TAFA1: variants seen among roughly 807,000 people sequenced by gnomAD.
TAFA1 encodes the protein chemokine-like protein TAFA-1.
Under a neutral mutation model 18.5 loss-of-function variants are expected in TAFA1, and 4 were observed. The observed-to-expected ratio is 0.22, with a 90% CI of 0.11 to 0.49. The LOEUF (loss-of-function observed/expected upper bound fraction) is 0.49. Among genes scored for constraint, TAFA1 ranks in the 20% least tolerant of loss-of-function variants. The probability of loss-of-function intolerance (pLI) is 0.98; values close to 1 mark genes in which losing one functional copy is unlikely to be tolerated. For missense variants in TAFA1, 147 were observed against 169.0 expected (o/e 0.87, Z 0.72); for synonymous variants, 56 against 55.2 (o/e 1.01, Z -0.06).
chr3:68,239,754 G>A (rs746523664), intron 2 of TAFA1, among the ~76,000 whole-genome samples: 2 of 152,180 alleles, frequency 1.3e-5, no homozygotes, highest in African/African-American at 2.4e-5. Flanking sequence ...GCCACTGAGA[G>A]CAAACAGCCA....
At chr3:68,235,525 A>G (rs1326674874) in intron 2 of TAFA1, among the ~76,000 whole-genome samples, 5 of 152,218 alleles carry the variant, frequency 3.3e-5, no homozygotes, top group Non-Finnish European at 7.3e-5. Flanking sequence ...AAAATAAATA[A>G]CAGCTTCTGG....
intron 2 of TAFA1, chr3:68,250,892 G>A (rs376184693): frequency 4.9e-4 from 75 of 151,548 alleles, no homozygotes; most frequent in African/African-American, 1.5e-3. Context: ...AATCAGCAAA[G>A]GAACCCTATT....
At position 68,129,501 on chromosome 3, in the gene TAFA1, G is replaced by T. The variant is rs1035600869; in HGVS notation, c.118+122757G>T. On this transcript the variant is annotated intron_variant, in intron 2 of 4. Coordinates refer to ENST00000478136, the MANE Select transcript of TAFA1 (RefSeq NM_213609.4). ...CAGGTTTCTTGTGTAGGTTAAGGGA[G>T]AAAACATTTCCAAGGTGTCTTTCAT... 5.3e-5 allele frequency among the ~76,000 whole-genome samples: 8 copies of T among 152,286 alleles called. No homozygotes were observed. In the South Asian group the frequency reaches 1.0e-3, roughly 20 times the overall value.
At chr3:68,010,683 ACAGT>A (rs1704453768) in intron 2 of TAFA1, among the ~76,000 whole-genome samples, 1 of 152,208 alleles carries the variant, frequency 6.6e-6, no homozygotes, top group African/African-American at 2.4e-5. Flanking sequence ...GAAGATTAAA[ACAGT>A]CAATCAAATG....
At chr3:68,097,216 T>C (rs1469290181) in intron 2 of TAFA1, among the ~76,000 whole-genome samples, 1 of 152,162 alleles carries the variant, frequency 6.6e-6, no homozygotes, top group Non-Finnish European at 1.5e-5. Flanking sequence ...TTTCACTTGA[T>C]TGTAATTACA....
intron 2 of TAFA1, among the ~76,000 whole-genome samples, chr3:68,416,498 G>T (rs577714945): frequency 6.6e-6 from 1 of 152,116 alleles, no homozygotes. Context: ...TATCTTTTGC[G>T]TGTCTCTAGA....
intron 2 of TAFA1, among the ~76,000 whole-genome samples, chr3:68,015,388 G>A (rs1260766450): frequency 6.6e-6 from 1 of 151,378 alleles, no homozygotes; most frequent in Non-Finnish European, 1.5e-5. Context: ...CCAGGTTCAA[G>A]CGATTCTCCT....
At chr3:68,112,361 G>T (rs1171518170) in intron 2 of TAFA1, among the ~76,000 whole-genome samples, 4 of 152,072 alleles carry the variant, frequency 2.6e-5, no homozygotes, top group Admixed American at 1.3e-4. Context: ...ATTTTTAAGG[G>T]TAATGTGCCA....
chr3:68,081,569 G>T (rs1483884363), intron 2 of TAFA1, among the ~76,000 whole-genome samples: 1 of 152,140 alleles, frequency 6.6e-6, no homozygotes, highest in Non-Finnish European at 1.5e-5. Context: ...GGAATACCCT[G>T]CCGTGTAAGG....
intron 2 of TAFA1, among the ~76,000 whole-genome samples, chr3:68,128,310 T>A (rs768748114): frequency 3.3e-5 from 5 of 152,102 alleles, no homozygotes; most frequent in Non-Finnish European, 7.3e-5. Context: ...AGACCATACA[T>A]CCCGCTGCTA....
chr3:68,064,047 TA>T (rs1390844598), intron 2 of TAFA1, among the ~76,000 whole-genome samples: 12 of 152,022 alleles, frequency 7.9e-5, no homozygotes, highest in Admixed American at 2.0e-4. Flanking sequence ...TGCAACAGAA[TA>T]AAAAACAAAA....
chr3:68,114,133 C>G (rs1262043333), intron 2 of TAFA1, among the ~76,000 whole-genome samples: 1 of 151,858 alleles, frequency 6.6e-6, no homozygotes, highest in African/African-American at 2.4e-5. Flanking sequence ...TGGTACAGAT[C>G]TCTCCGTGCC....
intron 2 of TAFA1, among the ~76,000 whole-genome samples, chr3:68,306,143 A>T: frequency 6.6e-6 from 1 of 152,252 alleles, no homozygotes; most frequent in African/African-American, 2.4e-5. Context: ...AGATTCCAAA[A>T]GGAAGATCAG....
chr3:68,079,922 C>T (rs934152876), intron 2 of TAFA1, among the ~76,000 whole-genome samples: 2 of 152,082 alleles, frequency 1.3e-5, no homozygotes, highest in Admixed American at 6.5e-5. Context: ...GTGTTAAAGT[C>T]TCCCATTATT....
chr3:68,438,718 C>G (rs1164763240), intron 3 of TAFA1, among the ~76,000 whole-genome samples: 1 of 152,164 alleles, frequency 6.6e-6, no homozygotes, highest in East Asian at 1.9e-4. Context: ...TCTTTGAAAT[C>G]TAGGTGAAGG....
chr3:68,104,917 A>C (rs760545735), intron 2 of TAFA1, among the ~76,000 whole-genome samples: 10 of 152,114 alleles, frequency 6.6e-5, no homozygotes, highest in Non-Finnish European at 1.2e-4. Flanking sequence ...GTAATTTATA[A>C]AGAAAAGAGG....
chr3:68,439,412 C>CATATATATGTAT (rs2071327862), intron 3 of TAFA1, among the ~76,000 whole-genome samples: 1 of 73,462 alleles, frequency 1.4e-5, no homozygotes, highest in Non-Finnish European at 2.4e-5. Flanking sequence ...TATATACATA[C>CATATATATGTAT]ATATATATAT....
intron 3 of TAFA1, among the ~76,000 whole-genome samples, chr3:68,504,395 A>G (rs1456744749): frequency 4.6e-5 from 7 of 152,164 alleles, no homozygotes; most frequent in Non-Finnish European, 5.9e-5. Flanking sequence ...CGGCCCCATG[A>G]GGGGTCTCCC....
intron 2 of TAFA1, among the ~76,000 whole-genome samples, chr3:68,086,157 G>A (rs947787004): frequency 3.3e-5 from 5 of 152,156 alleles, no homozygotes; most frequent in African/African-American, 1.2e-4. Flanking sequence ...GTGAGTAGTG[G>A]TCTATGAGGT....
Sources: allele counts gnomAD v4.1 joint callset (sites outside exome capture counted in the v4.1 genomes callset), GRCh38; gene constraint gnomAD v4.1.1; transcripts MANE v1.5; gene names NCBI Gene and HGNC (gene_info 2026-07-23, HGNC 2026-07-21).